The following NCOA7 variants were observed in gnomAD, a reference collection of about 807,000 sequenced individuals.
The protein encoded by NCOA7 is nuclear receptor coactivator 7, also known as 140 kDa estrogen receptor-associated protein.
A neutral mutation model predicts 104.3 loss-of-function variants in NCOA7; 45 were observed. That is an observed-to-expected ratio of 0.43 (90% CI 0.34 to 0.55). The LOEUF (loss-of-function observed/expected upper bound fraction) is 0.55. Ranked by LOEUF, NCOA7 falls within the 20% of genes least tolerant of loss-of-function variation. NCOA7 has a pLI of 0.02. For synonymous variants in NCOA7, 398 were observed against 402.3 expected (o/e 0.99, Z 0.13); for missense variants, 1,041 against 1,119.7 (o/e 0.93, Z 1.00).
chr6:125,928,277 T>C (rs766316993), intron 15 of NCOA7, 30 bp downstream of exon 15: 6 of 1,584,368 alleles, frequency 3.8e-6, no homozygotes, highest in South Asian at 1.2e-5. Context: ...TGTTTTCTTA[T>C]TGTTATTTTA....
In NCOA7 at chr6:125,805,537, G is replaced by A. The variant is rs555061718; in HGVS notation, c.-64-9754G>A. On this transcript the variant is annotated intron_variant, in intron 1 of 15. Transcript: ENST00000392477. ...TCAGACAGAGCTGATCATTCTGGCT[G>A]TAACTCTTATGGCTATTTGACCTTG... 3.3e-5 allele frequency among the ~76,000 whole-genome samples: 5 copies of A among 152,284 alleles called. No homozygotes were observed. In the South Asian group the frequency reaches 6.2e-4, roughly 19 times the overall value.
At chr6:125,921,405 G>T (rs568322042) in intron 12 of NCOA7, among the ~76,000 whole-genome samples, 33 of 150,902 alleles carry the variant, frequency 2.2e-4, no homozygotes, top group Non-Finnish European at 4.0e-4. Context: ...GTGAGACTCT[G>T]TCTCAAAAAA....
At chr6:125,847,831 G>A (rs1351419150) in intron 2 of NCOA7, among the ~76,000 whole-genome samples, 1 of 151,718 alleles carries the variant, frequency 6.6e-6, no homozygotes, top group African/African-American at 2.4e-5. Context: ...AAGAGCTTCT[G>A]CACAGCAAAA....
At chr6:125,840,952 G>A (rs1780107038) in intron 2 of NCOA7, among the ~76,000 whole-genome samples, 2 of 116,958 alleles carry the variant, frequency 1.7e-5, no homozygotes, top group African/African-American at 6.7e-5. Context: ...GAGTGCAGTG[G>A]CATGAACTTG....
chr6:125,881,032 C>G lies in NCOA7; in HGVS notation c.460-58C>G. ...GTGTAGAGAATAACTTCTCCAAACACTCACTAGTGGTTTGCCTGGTTGCTG... is the reference window on the plus strand; with the variant it reads ...GTGTAGAGAATAACTTCTCCAAACAGTCACTAGTGGTTTGCCTGGTTGCTG... On this transcript the variant is annotated intron_variant, in intron 5 of 15. Coordinates refer to ENST00000392477, the MANE Select transcript of NCOA7 (RefSeq NM_181782.5). The G allele has an allele frequency of 7.5e-6, 8 of 1,062,996 alleles. No individual in the cohort carries two copies. The South Asian group carries it at 1.0e-4, about 13-fold the overall frequency. The allele number at this position is 1,062,996 out of a possible 1,614,324, so 65.8% of individuals were successfully genotyped here.
chr6:125,787,155 C>G (rs990288166), upstream of NCOA7, among the ~76,000 whole-genome samples: 2 of 150,770 alleles, frequency 1.3e-5, no homozygotes, highest in Admixed American at 6.6e-5. Context: ...AAAGAAAATA[C>G]AGTAGAGCTC....
intron 2 of NCOA7, among the ~76,000 whole-genome samples, chr6:125,818,548 G>T (rs1033634322): frequency 8.6e-5 from 13 of 151,992 alleles, no homozygotes; most frequent in Non-Finnish European, 1.6e-4. Context: ...GGAGAGAGGA[G>T]AATGGAGAGA....
chr6:125,928,561 T>C, intron 15 of NCOA7, 75 bp from the exon 16 acceptor site: 1 of 1,500,350 alleles, frequency 6.7e-7, no homozygotes, highest in Non-Finnish European at 8.9e-7. Context: ...GGAAAGAAGA[T>C]GGGGGCAAGA....
At chr6:125,917,694 T>C (rs1787203989) in intron 11 of NCOA7, among the ~76,000 whole-genome samples, 1 of 152,206 alleles carries the variant, frequency 6.6e-6, no homozygotes, top group Admixed American at 6.5e-5. Flanking sequence ...CCTGCACTTT[T>C]TCCAAAGAGG....
At chr6:125,914,866 C>T (rs957607738) in intron 10 of NCOA7, among the ~76,000 whole-genome samples, 1 of 152,202 alleles carries the variant, frequency 6.6e-6, no homozygotes, top group Non-Finnish European at 1.5e-5. Context: ...TTATTCCTGA[C>T]ACTTTCTAGT....
chr6:125,899,872 G>GA (rs1202645439), intron 10 of NCOA7: 1 of 445,274 alleles, frequency 2.2e-6, no homozygotes, highest in Non-Finnish European at 4.9e-6. Context: ...GTAAGCTCAT[G>GA]AAAAAATAAT....
intron 10 of NCOA7, among the ~76,000 whole-genome samples, chr6:125,904,190 A>T (rs970893316): frequency 3.3e-5 from 5 of 151,986 alleles, no homozygotes; most frequent in African/African-American, 1.2e-4. Flanking sequence ...CTACCTTTCC[A>T]TTAAGCAAAT....
intron 2 of NCOA7, among the ~76,000 whole-genome samples, chr6:125,819,565 C>T (rs543607862): frequency 1.3e-5 from 2 of 152,100 alleles, no homozygotes; most frequent in South Asian, 4.1e-4. Context: ...TTTATATATG[C>T]AAAATTAGTA....
At chr6:125,874,334 C>T (rs1783186917) in intron 3 of NCOA7, among the ~76,000 whole-genome samples, 1 of 152,108 alleles carries the variant, frequency 6.6e-6, no homozygotes, top group African/African-American at 2.4e-5. Flanking sequence ...TCAAAAAAAG[C>T]CCGAAAAATA....
chr6:125,922,777 G>A lies in NCOA7; in HGVS notation c.2466G>A (p.Arg822=), dbSNP rs1260182151. The change falls in exon 13 of 16, where the codon CGG becomes CGA. Residue 822 remains arginine, a synonymous_variant. Transcript: ENST00000392477. ...GGACCAGCTTAAAGACGCTCTACCG[G>A]AAATCGGCATCACTAGACAGTCCTG... ...EHGTSLKTLY[R]KSASLDSPVL... 1.2e-6 allele frequency: 2 copies of A among 1,613,988 alleles called. No homozygotes were observed. Among genetic ancestry groups the A allele is most frequent in the African/African-American group, 2.7e-5 (2 of 74,880 alleles).
chr6:125,925,001 T>A (rs1163377869), intron 13 of NCOA7, among the ~76,000 whole-genome samples: 1 of 152,158 alleles, frequency 6.6e-6, no homozygotes, highest in Admixed American at 6.5e-5. Context: ...AGAGCCATGC[T>A]CTACGGTAGG....
In NCOA7 at chr6:125,929,876, A is replaced by G. The variant is rs1185771798; in HGVS notation, c.*1105A>G. 6.6e-6 allele frequency: 1 copy of G among 152,244 alleles called. No homozygotes were observed. Among genetic ancestry groups the G allele is most frequent in the Non-Finnish European group, 1.5e-5 (1 of 68,038 alleles). 9.4% of individuals were successfully genotyped at this position (152,244 alleles called of 1,614,324 possible). ...CAGGCCTCTGTCTTAAAAGGGACTC[A>G]GTATATTAATTTCTGCATTTTTTAA... On this transcript the variant is annotated 3_prime_UTR_variant, in exon 16 of 16. Transcript: ENST00000392477.
chr6:125,927,491 G>T (rs1473712676), intron 13 of NCOA7, among the ~76,000 whole-genome samples, 172 bp from the exon 14 acceptor site: 1 of 152,180 alleles, frequency 6.6e-6, no homozygotes, highest in Non-Finnish European at 1.5e-5. Context: ...AGTTAGAGCT[G>T]GGGATATTTG....
chr6:125,911,123 A>G (rs1022427150), intron 10 of NCOA7, among the ~76,000 whole-genome samples: 4 of 152,238 alleles, frequency 2.6e-5, no homozygotes, highest in African/African-American at 4.8e-5. Context: ...TGGTAATCCA[A>G]CAAAGAAACA....
Sources: gnomAD v4.1 joint callset for allele counts (sites outside exome capture counted in the v4.1 genomes callset) on GRCh38, gnomAD v4.1.1 for gene constraint, MANE v1.5 for transcripts, NCBI Gene and HGNC (gene_info 2026-07-23, HGNC 2026-07-21) for gene names.